The following AGBL4 variants were observed in gnomAD, a reference collection of about 807,000 sequenced individuals.
The protein encoded by AGBL4 is cytosolic carboxypeptidase 6.
In AGBL4, 58 loss-of-function variants were observed where a neutral mutation model predicts 66.4. That is an observed-to-expected ratio of 0.87 (90% CI 0.71 to 1.09). The LOEUF is 1.09. Among genes scored for constraint, AGBL4 ranks in the 50% least tolerant of loss-of-function variants. The pLI is 0.00. For missense variants in AGBL4, 579 were observed against 631.0 expected, an observed-to-expected ratio of 0.92 and a Z score of 0.88; for synonymous variants, 234 against 222.9, an observed-to-expected ratio of 1.05 and a Z score of -0.44.
chr1:48,974,229 CAG>C (rs1383016578), intron 5 of AGBL4, among the ~76,000 whole-genome samples: 1 of 152,090 alleles, frequency 6.6e-6, no homozygotes, highest in Admixed American at 6.6e-5. Flanking sequence ...ACAAGGCCAA[CAG>C]AGAGAGCTTG....
chr1:49,741,881 G>C (rs1239118678), intron 2 of AGBL4, among the ~76,000 whole-genome samples: 1 of 151,978 alleles, frequency 6.6e-6, no homozygotes, highest in East Asian at 1.9e-4. Context: ...CAATAAATTA[G>C]GTATTGATGG....
intron 2 of AGBL4, among the ~76,000 whole-genome samples, chr1:49,742,074 T>C (rs1435833812): frequency 6.6e-6 from 1 of 152,148 alleles, no homozygotes; most frequent in East Asian, 1.9e-4. Context: ...GAGAAGGAAA[T>C]AAAAGGCATT....
intron 1 of AGBL4, among the ~76,000 whole-genome samples, chr1:49,989,422 A>G (rs1659759766): frequency 6.6e-6 from 1 of 152,218 alleles, no homozygotes; most frequent in Admixed American, 6.5e-5. Flanking sequence ...CATGGTACAT[A>G]GATAAGTAGC....
At chr1:48,674,348 G>A (rs1363326072) in intron 6 of AGBL4, among the ~76,000 whole-genome samples, 1 of 152,198 alleles carries the variant, frequency 6.6e-6, no homozygotes, top group Non-Finnish European at 1.5e-5. Flanking sequence ...AGACTCAAGA[G>A]GTGGCTGGGA....
intron 5 of AGBL4, among the ~76,000 whole-genome samples, chr1:48,871,730 T>C (rs1648695509): frequency 6.6e-6 from 1 of 152,058 alleles, no homozygotes; most frequent in Admixed American, 6.6e-5. Context: ...AACCTCTGAA[T>C]TGGGTATCCA....
chr1:49,160,130 G>A (rs1302927914), intron 4 of AGBL4, among the ~76,000 whole-genome samples: 1 of 152,140 alleles, frequency 6.6e-6, no homozygotes, highest in Non-Finnish European at 1.5e-5. Flanking sequence ...TGATACTTTG[G>A]AGGAGAAGAG....
intron 3 of AGBL4, among the ~76,000 whole-genome samples, chr1:49,337,294 GCAGA>G (rs1012912552): frequency 1.3e-5 from 2 of 152,142 alleles, no homozygotes; most frequent in African/African-American, 2.4e-5. Context: ...GCAGAGATCT[GCAGA>G]CAGACAGATG....
chr1:48,608,062 G>A lies in AGBL4; in HGVS notation c.952-17077C>T, dbSNP rs114477340. On this transcript the variant is annotated intron_variant, in intron 9 of 13. Transcript: ENST00000371839. Reference sequence around the variant, plus strand: ...CTGAAGGGGCATTTCAGAAGACAAGGGGCTCAGAGGACAAAGTCATCACAA... The same window carrying A: ...CTGAAGGGGCATTTCAGAAGACAAGAGGCTCAGAGGACAAAGTCATCACAA... Among the ~76,000 whole-genome samples the A allele has an allele frequency of 2.8e-3, 432 of 152,248 alleles. 6 individuals are homozygous for A. Among genetic ancestry groups the A allele is most frequent in the African/African-American group, 0.01 (420 of 41,550 alleles).
chr1:48,534,242 G>T lies in AGBL4; in HGVS notation c.1443C>A (p.Ser481Arg), dbSNP rs1431663661. The change falls in exon 14 of 14, where the codon AGC becomes AGA. Residue 481 changes from serine (S) to arginine (R), a missense_variant. By Grantham distance (110) the Ser-to-Arg change is moderately radical. Coordinates refer to ENST00000371839, the MANE Select transcript of AGBL4 (RefSeq NM_032785.4). Reference sequence around the variant, plus strand: ...TGTCCCCTTTGCTGTTGGGGTAGTTGCTGGCTGGGCCCCGCAGGAGTGGGT... The same window carrying T: ...TGTCCCCTTTGCTGTTGGGGTAGTTTCTGGCTGGGCCCCGCAGGAGTGGGT... Reference protein sequence around the residue: ...YKHPLLRGPASNYPNSKGDKK... With the variant: ...YKHPLLRGPARNYPNSKGDKK... 6.4e-7 allele frequency: 1 copy of T among 1,551,736 alleles called. No homozygotes were observed. Among genetic ancestry groups the T allele is most frequent in the African/African-American group, 1.4e-5 (1 of 73,146 alleles).
At chr1:48,900,509 CA>C (rs1235678824) in intron 5 of AGBL4, among the ~76,000 whole-genome samples, 1 of 152,136 alleles carries the variant, frequency 6.6e-6, no homozygotes, top group Non-Finnish European at 1.5e-5. Context: ...CTACAGTAAT[CA>C]AGACAGTGTG....
chr1:48,910,672 A>G lies in AGBL4; in HGVS notation c.595-43442T>C, dbSNP rs559117045. Among the ~76,000 whole-genome samples, 145 of 152,202 alleles carry G rather than the reference A, an allele frequency of 9.5e-4. 1 individual carries two copies. Among genetic ancestry groups the G allele is most frequent in the African/African-American group, 3.3e-3 (139 of 41,510 alleles). On this transcript the variant is annotated intron_variant, in intron 5 of 13. Transcript: ENST00000371839. ...GCTTTTTTTTCTTTTCCCTTCAGTA[A>G]ACTGCCCGTGGGTGCCCCTGACCAC...
At chr1:49,508,817 CT>C (rs1405489705) in intron 3 of AGBL4, among the ~76,000 whole-genome samples, 2 of 151,842 alleles carry the variant, frequency 1.3e-5, no homozygotes, top group Non-Finnish European at 2.9e-5. Flanking sequence ...TAATAGTTTC[CT>C]TCTTTTCTCC....
At chr1:48,655,370 AG>A (rs1646003712) in intron 7 of AGBL4, among the ~76,000 whole-genome samples, 1 of 151,888 alleles carries the variant, frequency 6.6e-6, no homozygotes, top group African/African-American at 2.4e-5. Flanking sequence ...GAAGACTGAG[AG>A]GGCATGTAAG....
At chr1:49,530,977 A>T (rs558509002) in intron 3 of AGBL4, among the ~76,000 whole-genome samples, 11 of 152,242 alleles carry the variant, frequency 7.2e-5, no homozygotes, top group African/African-American at 2.6e-4. Flanking sequence ...GAAATAGTAT[A>T]TGTAAATACC....
intron 8 of AGBL4, among the ~76,000 whole-genome samples, chr1:48,638,863 T>C (rs1275846717): frequency 6.6e-6 from 1 of 152,208 alleles, no homozygotes; most frequent in East Asian, 1.9e-4. Context: ...TCATATTATA[T>C]AGTTCTCATG....
intron 6 of AGBL4, among the ~76,000 whole-genome samples, chr1:48,814,288 A>G (rs1646124156): frequency 6.6e-6 from 1 of 152,110 alleles, no homozygotes; most frequent in Non-Finnish European, 1.5e-5. Context: ...TTATTTTCCC[A>G]TCACTGAATT....
At chr1:49,510,944 T>A (rs1570914092) in intron 3 of AGBL4, among the ~76,000 whole-genome samples, 2 of 151,344 alleles carry the variant, frequency 1.3e-5, no homozygotes, top group African/African-American at 4.8e-5. Context: ...TTGATCTATA[T>A]CTCTGTTTTG....
At chr1:49,691,874 G>A (rs888325147) in intron 3 of AGBL4, among the ~76,000 whole-genome samples, 2 of 151,998 alleles carry the variant, frequency 1.3e-5, no homozygotes, top group East Asian at 1.9e-4. Context: ...CTCGAACATC[G>A]GACTCCAAGT....
intron 6 of AGBL4, among the ~76,000 whole-genome samples, chr1:48,836,835 T>C (rs925891079): frequency 3.9e-5 from 6 of 152,056 alleles, no homozygotes; most frequent in Non-Finnish European, 8.8e-5. Context: ...CTTAGATTCA[T>C]TTATTAAACA....
Sources: allele counts gnomAD v4.1 joint callset (sites outside exome capture counted in the v4.1 genomes callset), GRCh38; gene constraint gnomAD v4.1.1; transcripts MANE v1.5; gene names NCBI Gene and HGNC (gene_info 2026-07-23, HGNC 2026-07-21).